OR1B1: variants seen among roughly 807,000 people sequenced by gnomAD.
OR1B1 encodes olfactory receptor 1B1.
For synonymous variants in OR1B1, 168 were observed against 156.2 expected, an observed-to-expected ratio of 1.08 and a Z score of -0.57; for missense variants, 414 against 402.1, an observed-to-expected ratio of 1.03 and a Z score of -0.25.
At chr9:122,630,166 GA>G (rs1355130395), upstream of OR1B1, among the ~76,000 whole-genome samples, 1 of 152,156 alleles carries the variant, frequency 6.6e-6, no homozygotes, top group Non-Finnish European at 1.5e-5. Flanking sequence ...ACCCAAATTG[GA>G]AAAGAGGAAG....
upstream of OR1B1, among the ~76,000 whole-genome samples, chr9:122,630,685 C>G (rs548020746): frequency 2.7e-5 from 4 of 149,896 alleles, no homozygotes; most frequent in African/African-American, 9.7e-5. Flanking sequence ...ACTGAGTCAC[C>G]TATCCAGGGT....
At chr9:122,657,006 A>G in the OR1B1 span, among the ~76,000 whole-genome samples, 6 of 152,096 alleles carry the variant, frequency 3.9e-5, no homozygotes, top group Admixed American at 3.3e-4. Context: ...AAATGATTCA[A>G]TACATATTTC....
chr9:122,649,333 T>C, the OR1B1 span, among the ~76,000 whole-genome samples: 2 of 152,168 alleles, frequency 1.3e-5, no homozygotes, highest in Non-Finnish European at 2.9e-5. Context: ...ATTCAGGACA[T>C]AGGCATGGGC....
At chr9:122,629,755 C>T (rs1377677745), upstream of OR1B1, among the ~76,000 whole-genome samples, 6 of 152,158 alleles carry the variant, frequency 3.9e-5, no homozygotes, top group Non-Finnish European at 5.9e-5. Flanking sequence ...TTTCACCCAC[C>T]CTAGTGACTT....
At chr9:122,640,144 C>G in the OR1B1 span, among the ~76,000 whole-genome samples, 1 of 152,020 alleles carries the variant, frequency 6.6e-6, no homozygotes, top group African/African-American at 2.4e-5. Context: ...TTCTCCCAAC[C>G]CTTCTTCATT....
the OR1B1 span, among the ~76,000 whole-genome samples, chr9:122,640,862 T>A: frequency 6.6e-6 from 1 of 152,196 alleles, no homozygotes; most frequent in East Asian, 1.9e-4. Flanking sequence ...ATTTATTGAT[T>A]AATTCATACG....
At chr9:122,635,612 A>G in the OR1B1 span, among the ~76,000 whole-genome samples, 4 of 152,240 alleles carry the variant, frequency 2.6e-5, no homozygotes, top group Non-Finnish European at 4.4e-5. Context: ...ATGTATGTGT[A>G]CATTAAAACC....
At chr9:122,634,285 G>C (rs1025576129), upstream of OR1B1, among the ~76,000 whole-genome samples, 8 of 148,468 alleles carry the variant, frequency 5.4e-5, no homozygotes, top group Non-Finnish European at 1.2e-4. Context: ...GTGGTGAGCA[G>C]AGATCATGCC....
the OR1B1 span, among the ~76,000 whole-genome samples, chr9:122,646,882 A>G: frequency 6.6e-6 from 1 of 152,150 alleles, no homozygotes; most frequent in African/African-American, 2.4e-5. Context: ...ACATAGCACA[A>G]TAAGACATAA....
At chr9:122,641,005 T>C in the OR1B1 span, among the ~76,000 whole-genome samples, 4 of 152,174 alleles carry the variant, frequency 2.6e-5, no homozygotes, top group Admixed American at 6.6e-5. Context: ...ATAAGTGATA[T>C]AATAAATATA....
chr9:122,635,610 G>A, the OR1B1 span, among the ~76,000 whole-genome samples: 5 of 152,086 alleles, frequency 3.3e-5, no homozygotes, highest in Non-Finnish European at 4.4e-5. Context: ...CTATGTATGT[G>A]TACATTAAAA....
chr9:122,642,358 C>T, the OR1B1 span, among the ~76,000 whole-genome samples: 110 of 152,246 alleles, frequency 7.2e-4, no homozygotes, highest in African/African-American at 2.5e-3. Context: ...CAAGAAAGGA[C>T]GGCTGTGACT....
exon 1 of OR1B1, chr9:122,629,560 GA>G (rs1335757763): frequency 6.9e-7 from 1 of 1,449,414 alleles, no homozygotes; most frequent in African/African-American, 1.4e-5. Context: ...CTGCCTGAAA[GA>G]CAGTTTAAGT....
At chr9:122,653,956 A>T in the OR1B1 span, among the ~76,000 whole-genome samples, 1 of 152,206 alleles carries the variant, frequency 6.6e-6, no homozygotes, top group South Asian at 2.1e-4. Flanking sequence ...TATTTTCTCC[A>T]GTATTAAAAG....
At chr9:122,643,442 C>G in the OR1B1 span, among the ~76,000 whole-genome samples, 78 of 152,330 alleles carry the variant, frequency 5.1e-4, no homozygotes, top group Admixed American at 7.8e-4. Context: ...AGGGGAATCA[C>G]TCATCCCAGT....
upstream of OR1B1, among the ~76,000 whole-genome samples, chr9:122,632,653 T>C (rs1292263048): frequency 2.0e-5 from 3 of 152,178 alleles, no homozygotes; most frequent in Non-Finnish European, 2.9e-5. Flanking sequence ...CTCCTACTTA[T>C]GAGTGAGAAC....
the OR1B1 span, among the ~76,000 whole-genome samples, chr9:122,649,365 C>A: frequency 4.6e-5 from 7 of 151,208 alleles, no homozygotes; most frequent in Admixed American, 3.3e-4. Flanking sequence ...GTCTAAAACA[C>A]CAAAAGCAAT....
At chr9:122,630,725 T>C (rs1012377537), upstream of OR1B1, among the ~76,000 whole-genome samples, 3 of 150,208 alleles carry the variant, frequency 2.0e-5, no homozygotes, top group Non-Finnish European at 4.5e-5. Context: ...TTTTTGTTTT[T>C]TTAAGACAGT....
the OR1B1 span, among the ~76,000 whole-genome samples, chr9:122,638,302 AT>A: frequency 2.0e-5 from 3 of 152,284 alleles, no homozygotes; most frequent in Admixed American, 1.3e-4. Context: ...AAAAGGGCAA[AT>A]TTAAGTTTTG....
Sources: gnomAD v4.1 joint callset for allele counts (sites outside exome capture counted in the v4.1 genomes callset) on GRCh38, gnomAD v4.1.1 for gene constraint, MANE v1.5 for transcripts, NCBI Gene and HGNC (gene_info 2026-07-23, HGNC 2026-07-21) for gene names.